Variants in ITPR1 observed in about 807,000 individuals in gnomAD.
The protein encoded by ITPR1 is inositol 1,4,5-trisphosphate receptor type 1, also known as inositol 1,4,5-trisphosphate-gated calcium channel ITPR1.
A neutral mutation model predicts 318.4 loss-of-function variants in ITPR1; 96 were observed. The ratio of observed to expected loss-of-function variants is 0.30; its 90% CI spans 0.26 to 0.36. The LOEUF (loss-of-function observed/expected upper bound fraction) is 0.36, where lower values mean the gene tolerates loss of function less well. Among genes scored for constraint, ITPR1 ranks in the 10% least tolerant of loss-of-function variants. The pLI is 1.00. For missense variants in ITPR1, 2,440 were observed against 3,460.2 expected (o/e 0.71, Z 7.40); for synonymous variants, 1,312 against 1,289.9 (o/e 1.02, Z -0.37).
intron 35 of ITPR1, among the ~76,000 whole-genome samples, 174 bp downstream of exon 35, chr3:4,700,115 C>T (rs2125260933): frequency 6.6e-6 from 1 of 152,192 alleles, no homozygotes; most frequent in East Asian, 1.9e-4. Flanking sequence ...AAAGAAGTAC[C>T]TGGGGATATT....
At chr3:4,657,504 G>T (rs1367932790) in intron 12 of ITPR1, among the ~76,000 whole-genome samples, 7 of 140,644 alleles carry the variant, frequency 5.0e-5, no homozygotes. Flanking sequence ...GTCTCACTCT[G>T]TCGTCTAGGC....
At chr3:4,783,995 C>A in intron 51 of ITPR1, 75 bp downstream of exon 51, 2 of 994,678 alleles carry the variant, frequency 2.0e-6, no homozygotes, top group Non-Finnish European at 3.0e-6. Context: ...CTGGGGCTGG[C>A]GTGCATTCAT....
At chr3:4,781,969 C>T (rs753830162) in intron 49 of ITPR1, among the ~76,000 whole-genome samples, 1 of 152,118 alleles carries the variant, frequency 6.6e-6, no homozygotes, top group Non-Finnish European at 1.5e-5. Context: ...GGTGACAGAG[C>T]AAGACCCTGT....
rs757185078 is a variant in ITPR1, at chr3:4,768,632, G to A, written c.5847G>A (p.Gln1949=). 3.7e-6 allele frequency: 6 copies of A among 1,614,026 alleles called. No individual in the cohort carries two copies. In the East Asian group the frequency reaches 1.1e-4, roughly 30 times the overall value. Residue 1949 remains glutamine (Q), a synonymous_variant, in exon 46 of 62, where the codon CAG becomes CAA. Transcript: ENST00000649015. Reference sequence around the variant, plus strand: ...AGGCTGATCCCGACGACCACTACCAGCCTGGAGAGGGCACCCAGGCCACTG... The same window carrying A: ...AGGCTGATCCCGACGACCACTACCAACCTGGAGAGGGCACCCAGGCCACTG... ...RREADPDDHY[Q]PGEGTQATAD... is the part of the protein sequence containing the mutation.
intron 53 of ITPR1, among the ~76,000 whole-genome samples, chr3:4,797,739 T>C (rs1034365002): frequency 1.3e-5 from 2 of 152,258 alleles, no homozygotes; most frequent in Non-Finnish European, 2.9e-5. Context: ...ACCATATATC[T>C]ATCAGCCAGC....
chr3:4,592,231 C>T (rs1055593700), intron 4 of ITPR1, among the ~76,000 whole-genome samples: 2 of 152,134 alleles, frequency 1.3e-5, no homozygotes, highest in Admixed American at 6.5e-5. Flanking sequence ...GATTCAGGTG[C>T]GAGATTCAGT....
rs370536910 is a variant in ITPR1, at chr3:4,768,898, CTTTTTCT to C, written c.5979+154_5979+160del. 1.4e-3 allele frequency: 1,119 copies of C among 819,900 alleles called. 16 individuals are homozygous for C. Among genetic ancestry groups the C allele is most frequent in the East Asian group, 9.2e-3 (335 of 36,292 alleles). The allele number at this position is 819,900 out of a possible 1,614,324, so 50.8% of individuals were successfully genotyped here. ...GGATCCAGCAAGGTTCTTTTTTTTC[CTTTTTCT>C]TTTTTCTTTTTTCTTTTTTTTTGAG... On this transcript the variant is annotated intron_variant, in intron 46 of 61. Coordinates refer to ENST00000649015, the MANE Select transcript of ITPR1 (RefSeq NM_001378452.1).
intron 55 of ITPR1, 151 bp from the exon 56 acceptor site, chr3:4,811,114 A>G (rs2048914729): frequency 2.3e-6 from 1 of 443,302 alleles, no homozygotes. Flanking sequence ...TTTCACTGTG[A>G]AGCCAGGGAA....
chr3:4,789,601 GT>G (rs796284840), intron 52 of ITPR1, among the ~76,000 whole-genome samples: 35 of 136,716 alleles, frequency 2.6e-4, no homozygotes, highest in African/African-American at 4.6e-4. Flanking sequence ...GAGGTGTTTT[GT>G]TTTTGTTTTT....
At chr3:4,576,308 T>G (rs185717483) in intron 4 of ITPR1, among the ~76,000 whole-genome samples, 1 of 152,360 alleles carries the variant, frequency 6.6e-6, no homozygotes, top group Admixed American at 6.5e-5. Context: ...GAACCAGACC[T>G]GAATGTGCAT....
At chr3:4,511,155 G>A (rs879596217) in intron 2 of ITPR1, among the ~76,000 whole-genome samples, 114 of 152,318 alleles carry the variant, frequency 7.5e-4, no homozygotes, top group African/African-American at 2.6e-3. Context: ...CAGAGTGGAC[G>A]AGAAGACCAG....
intron 44 of ITPR1, among the ~76,000 whole-genome samples, chr3:4,743,943 T>C (rs1203616877): frequency 1.3e-5 from 2 of 152,230 alleles, no homozygotes; most frequent in African/African-American, 2.4e-5. Flanking sequence ...CAAGCAATTC[T>C]CCTGTCTCAG....
intron 4 of ITPR1, among the ~76,000 whole-genome samples, chr3:4,521,771 A>C (rs1353967728): frequency 6.6e-6 from 1 of 152,162 alleles, no homozygotes; most frequent in Non-Finnish European, 1.5e-5. Flanking sequence ...CAGGAGGCTG[A>C]GGTTGGGAGG....
chr3:4,621,310 C>G (rs1018149301), intron 4 of ITPR1, among the ~76,000 whole-genome samples: 4 of 152,144 alleles, frequency 2.6e-5, no homozygotes, highest in African/African-American at 9.7e-5. Flanking sequence ...AGGCACATCA[C>G]TCATGACAAG....
chr3:4,580,127 G>A (rs573302835), intron 4 of ITPR1, among the ~76,000 whole-genome samples: 20 of 152,034 alleles, frequency 1.3e-4, no homozygotes, highest in East Asian at 7.8e-4. Flanking sequence ...GGAGAATGGC[G>A]TGAACCCGGG....
intron 39 of ITPR1, among the ~76,000 whole-genome samples, chr3:4,716,223 ACC>A (rs1179361967): frequency 6.6e-6 from 1 of 152,028 alleles, no homozygotes; most frequent in Non-Finnish European, 1.5e-5. Context: ...AAAGAAAATA[ACC>A]TCCCACAGCT....
intron 57 of ITPR1, among the ~76,000 whole-genome samples, chr3:4,814,116 A>G (rs2049122371): frequency 6.6e-6 from 1 of 152,218 alleles, no homozygotes; most frequent in Non-Finnish European, 1.5e-5. Flanking sequence ...AACTCATCTG[A>G]CATGAAAAGA....
chr3:4,600,513 T>A (rs931145525), intron 4 of ITPR1, among the ~76,000 whole-genome samples: 2 of 152,130 alleles, frequency 1.3e-5, no homozygotes, highest in African/African-American at 4.8e-5. Context: ...TGTTTGTGTG[T>A]GTGTCTGTGT....
intron 4 of ITPR1, among the ~76,000 whole-genome samples, chr3:4,587,883 C>A (rs2090055681): frequency 6.6e-6 from 1 of 152,218 alleles, no homozygotes; most frequent in Admixed American, 6.5e-5. Flanking sequence ...AAGACAGCTT[C>A]TGCAGAGGTT....
Sources: gnomAD v4.1 joint callset for allele counts (sites outside exome capture counted in the v4.1 genomes callset) on GRCh38, gnomAD v4.1.1 for gene constraint, MANE v1.5 for transcripts, NCBI Gene and HGNC (gene_info 2026-07-23, HGNC 2026-07-21) for gene names.